BCL7C: variants seen among roughly 807,000 people sequenced by gnomAD.
The protein encoded by BCL7C is B-cell CLL/lymphoma 7 protein family member C.
BCL7C carries 8 observed loss-of-function variants against 26.2 expected under a neutral mutation model. That is an observed-to-expected ratio of 0.30 (90% CI 0.18 to 0.55). The LOEUF (loss-of-function observed/expected upper bound fraction) is 0.55. Among genes scored for constraint, BCL7C ranks in the 20% least tolerant of loss-of-function variants. The pLI is 0.93. For missense variants in BCL7C, 262 were observed against 298.5 expected (o/e 0.88, Z 0.90); for synonymous variants, 90 against 116.5 (o/e 0.77, Z 1.47).
At chr16:30,862,561 C>T in intron 5 of BCL7C, among the ~76,000 whole-genome samples, 1 of 152,138 alleles carries the variant, frequency 6.6e-6, no homozygotes, top group East Asian at 1.9e-4. Context: ...ACAGGACACG[C>T]TCCTGCTCCT....
At chr16:30,886,382 G>A (rs932973366), downstream of BCL7C, among the ~76,000 whole-genome samples, 1 of 152,088 alleles carries the variant, frequency 6.6e-6, no homozygotes, top group Non-Finnish European at 1.5e-5. Context: ...GCCACTCAGG[G>A]AGTAACAGAG....
At chr16:30,837,331 G>A (rs959523585) in intron 5 of BCL7C, among the ~76,000 whole-genome samples, 3 of 152,040 alleles carry the variant, frequency 2.0e-5, no homozygotes, top group Admixed American at 2.0e-4. Context: ...CAAGGATATT[G>A]GGGTAGTGGT....
rs2055276771 is a variant in BCL7C, at chr16:30,892,938, C to T, written c.182G>A (p.Arg61Gln). Residue 61 changes from arginine to glutamine, a missense_variant, in exon 3 of 6, where the codon CGG (arginine) becomes CAG (glutamine). Arg to Gln is a conservative substitution (Grantham distance 43, BLOSUM62 1). Transcript: ENST00000215115. The stretch of plus-strand genomic sequence containing the variant: ...GGATCTCTCTGCCCCGCCACCTGCC[C>T]GCCTTCGCTCCTGGGGGTTAGAGGA... ...VVDPQEEERR[R>Q]AGGGAERSRG... 3.7e-6 allele frequency: 6 copies of T among 1,612,506 alleles called. No individual in the cohort carries two copies. Among genetic ancestry groups the T allele is most frequent in the South Asian group, 2.2e-5 (2 of 91,000 alleles).
chr16:30,885,781 G>A (rs941709780), downstream of BCL7C, among the ~76,000 whole-genome samples: 6 of 152,190 alleles, frequency 3.9e-5, no homozygotes, highest in Non-Finnish European at 8.8e-5. Context: ...CTACATTGCA[G>A]CAAGCCTGGC....
chr16:30,877,594 C>G (rs896287379), intron 5 of BCL7C, among the ~76,000 whole-genome samples: 1 of 151,946 alleles, frequency 6.6e-6, no homozygotes, highest in Non-Finnish European at 1.5e-5. Context: ...CACCCGCCAC[C>G]GCGCCCAGCT....
At chr16:30,843,523 T>C (rs1186754164) in intron 5 of BCL7C, among the ~76,000 whole-genome samples, 1 of 148,008 alleles carries the variant, frequency 6.8e-6, no homozygotes, top group African/African-American at 2.5e-5. Flanking sequence ...ATCATGCCAC[T>C]GCACTCCAGT....
rs184441674 is a variant in BCL7C, at chr16:30,835,267, C to T, written c.529-119G>A. The T allele has an allele frequency of 2.9e-5, 27 of 941,462 alleles. No homozygotes were observed. The East Asian group carries it at 7.3e-4, about 25-fold the overall frequency. The allele number at this position is 941,462 out of a possible 1,614,324, so 58.3% of individuals were successfully genotyped here. On this transcript the variant is annotated intron_variant, in intron 5 of 5. Coordinates refer to the BCL7C transcript ENST00000380317. ...GCGCAAGTTGGTGGAAAGTCTTTTG[C>T]AAGCGATTAAGCTGGGTATTTTTGA... is the stretch of plus-strand genomic sequence containing the variant.
chr16:30,842,912 C>T (rs2054611478), intron 5 of BCL7C, among the ~76,000 whole-genome samples: 1 of 152,148 alleles, frequency 6.6e-6, no homozygotes, highest in Non-Finnish European at 1.5e-5. Context: ...TCCCAAAGTG[C>T]TGGGATTACA....
Position 30,841,977 on chromosome 16 carries a change from A to T in BCL7C, c.529-6829T>A, listed in dbSNP as rs1215573578. Among the ~76,000 whole-genome samples, 159 of 133,016 alleles carry T rather than the reference A, an allele frequency of 1.2e-3. 1 individual carries two copies. The highest frequency in any genetic ancestry group is 4.1e-3 in the African/African-American group (146 of 36,020). The allele number at this position is 133,016 out of a possible 152,430, so 87.3% of individuals were successfully genotyped here. On this transcript the variant is annotated intron_variant, in intron 5 of 5. Coordinates refer to the BCL7C transcript ENST00000380317. Reference sequence around the variant, plus strand: ...TCAAAAAAAAAAAAAAAAAAAAAAAAGCTCAGGGCCCTTGTCCACCAGAGA... The same window carrying T: ...TCAAAAAAAAAAAAAAAAAAAAAAATGCTCAGGGCCCTTGTCCACCAGAGA...
downstream of BCL7C, among the ~76,000 whole-genome samples, chr16:30,886,870 A>T (rs955862132): frequency 1.6e-4 from 24 of 152,108 alleles, no homozygotes; most frequent in Admixed American, 1.6e-3. Context: ...CCTCTGTGTT[A>T]TTATGTATGA....
At chr16:30,839,356 T>G (rs1244668655) in intron 5 of BCL7C, among the ~76,000 whole-genome samples, 1 of 152,172 alleles carries the variant, frequency 6.6e-6, no homozygotes, top group Non-Finnish European at 1.5e-5. Flanking sequence ...TTCCCTGGTG[T>G]GACAGACAGG....
chr16:30,871,876 C>T (rs1199833999), intron 5 of BCL7C, among the ~76,000 whole-genome samples: 2 of 152,070 alleles, frequency 1.3e-5, no homozygotes, highest in Non-Finnish European at 2.9e-5. Flanking sequence ...ACCAGATGGA[C>T]CCTAATCATC....
downstream of BCL7C, among the ~76,000 whole-genome samples, chr16:30,884,492 GTTTTTTTTTTTTT>G (rs71149066): frequency 1.0e-5 from 1 of 98,286 alleles, no homozygotes; most frequent in Non-Finnish European, 2.1e-5. Flanking sequence ...ATCTCCATTT[GTTTTTTTTTTTTT>G]TTTTTTTTTG....
At chr16:30,856,060 TAAAA>T (rs758984617) in intron 5 of BCL7C, among the ~76,000 whole-genome samples, 7 of 97,402 alleles carry the variant, frequency 7.2e-5, no homozygotes, top group African/African-American at 2.3e-4. Flanking sequence ...AGACTCCATC[TAAAA>T]AAAAAAAAAA....
chr16:30,839,939 C>G (rs1382050818), intron 5 of BCL7C, among the ~76,000 whole-genome samples: 1 of 152,176 alleles, frequency 6.6e-6, no homozygotes, highest in Non-Finnish European at 1.5e-5. Context: ...ACTTGGGAAT[C>G]CCTCCAGGAG....
intron 5 of BCL7C, among the ~76,000 whole-genome samples, chr16:30,857,452 T>A (rs1388970325): frequency 2.0e-5 from 3 of 149,596 alleles, no homozygotes; most frequent in Non-Finnish European, 4.4e-5. Flanking sequence ...AGCGGATAGG[T>A]CAAATAATGA....
intron 5 of BCL7C, among the ~76,000 whole-genome samples, chr16:30,881,223 A>G (rs2055038001): frequency 6.6e-6 from 1 of 152,024 alleles, no homozygotes; most frequent in Non-Finnish European, 1.5e-5. Flanking sequence ...ATAGTGAAAC[A>G]CTGTCTCTAC....
chr16:30,891,647 T>C (rs2055239244), intron 4 of BCL7C, among the ~76,000 whole-genome samples: 1 of 151,968 alleles, frequency 6.6e-6, no homozygotes, highest in Non-Finnish European at 1.5e-5. Context: ...TGTCCCATAT[T>C]ATTCTGAGGA....
At chr16:30,842,306 C>T (rs2054607547) in intron 5 of BCL7C, among the ~76,000 whole-genome samples, 2 of 152,154 alleles carry the variant, frequency 1.3e-5, no homozygotes. Context: ...GACTTCCAGT[C>T]TCCAGAACTA....
Sources: gnomAD v4.1 joint callset for allele counts (sites outside exome capture counted in the v4.1 genomes callset) on GRCh38, gnomAD v4.1.1 for gene constraint, MANE v1.5 for transcripts, NCBI Gene and HGNC (gene_info 2026-07-23, HGNC 2026-07-21) for gene names.